PLSCR5: variants seen among roughly 807,000 people sequenced by gnomAD.
PLSCR5 encodes phospholipid scramblase family, member 5.
Under a neutral mutation model 33.6 loss-of-function variants are expected in PLSCR5, and 44 were observed. The ratio of observed to expected loss-of-function variants is 1.31; its 90% CI spans 1.03 to 1.69. The LOEUF is 1.69. Ranked by LOEUF, PLSCR5 falls within the 40% of genes most tolerant of loss-of-function variation. PLSCR5 has a pLI of 0.00. For missense variants in PLSCR5, 375 were observed against 318.7 expected (o/e 1.18, Z -1.34); for synonymous variants, 148 against 112.3 (o/e 1.32, Z -2.01).
At chr3:146,585,003 C>G (rs2044657087), downstream of PLSCR5, among the ~76,000 whole-genome samples, 1 of 152,030 alleles carries the variant, frequency 6.6e-6, no homozygotes, top group South Asian at 2.1e-4. Context: ...TGGTACCTTG[C>G]TTAAAAGAAA....
At chr3:146,588,467 T>C (rs1360996653) in intron 6 of PLSCR5, among the ~76,000 whole-genome samples, 1 of 151,938 alleles carries the variant, frequency 6.6e-6, no homozygotes, top group Non-Finnish European at 1.5e-5. Flanking sequence ...TGAGACTCTA[T>C]CTCAAAAAAT....
chr3:146,599,006 G>A (rs1284615282), intron 2 of PLSCR5, among the ~76,000 whole-genome samples: 1 of 152,200 alleles, frequency 6.6e-6, no homozygotes, highest in Non-Finnish European at 1.5e-5. Flanking sequence ...TTTGATAAAG[G>A]AGATAGACTT....
chr3:146,593,613 G>A (rs73867423), intron 4 of PLSCR5, among the ~76,000 whole-genome samples: 3,630 of 152,138 alleles, frequency 0.024, 154 homozygotes, highest in African/African-American at 0.082. Flanking sequence ...TATGCCCAAT[G>A]GTGGAACCTG....
downstream of PLSCR5, among the ~76,000 whole-genome samples, chr3:146,582,163 G>T (rs1167438868): frequency 6.6e-6 from 1 of 152,208 alleles, no homozygotes; most frequent in East Asian, 1.9e-4. Flanking sequence ...AAACTAGACA[G>T]GTAGTCAGTT....
At chr3:146,600,138 A>T in intron 2 of PLSCR5, 150 bp downstream of exon 2, 1 of 510,632 alleles carries the variant, frequency 2.0e-6, no homozygotes, top group Non-Finnish European at 2.9e-6. Context: ...AAATAAAGTT[A>T]ATATTTTATA....
At position 146,589,782 on chromosome 3, in the gene PLSCR5, C is replaced by T; in HGVS notation, c.648G>A (p.Gly216=). The change falls in exon 6 of 8, where the codon GGG becomes GGA. Residue 216 remains glycine (G), a synonymous_variant. Transcript: ENST00000443512. ...ATCCTGACCAGTACTTTGAAATCTT[C>T]CCAATTGTAAGCTTTTCATTAATGG... The part of the protein sequence containing the change: ...VKTINEKLTI[G]KISKYWSGFV... 2 of 1,566,344 alleles carry T rather than the reference C, an allele frequency of 1.3e-6. No individual in the cohort carries two copies. The highest frequency in any genetic ancestry group is 8.7e-7 in the Non-Finnish European group (1 of 1,146,184).
chr3:146,602,566 T>C (rs2044827066), intron 1 of PLSCR5, among the ~76,000 whole-genome samples: 1 of 152,026 alleles, frequency 6.6e-6, no homozygotes, highest in African/African-American at 2.4e-5. Flanking sequence ...ATTTTAAAAA[T>C]CATGGAGCCT....
intron 2 of PLSCR5, among the ~76,000 whole-genome samples, chr3:146,599,308 T>A (rs16858582): frequency 0.014 from 2,200 of 152,248 alleles, 58 homozygotes; most frequent in African/African-American, 0.051. Context: ...TGCAGTGGTA[T>A]CAGCAGACAA....
downstream of PLSCR5, among the ~76,000 whole-genome samples, chr3:146,580,913 A>G (rs2044629330): frequency 6.6e-6 from 1 of 152,156 alleles, no homozygotes; most frequent in Non-Finnish European, 1.5e-5. Flanking sequence ...AGGGTGTAAA[A>G]TTCTCATCCT....
chr3:146,591,971 C>T (rs2044720046), intron 4 of PLSCR5, 90 bp from the exon 5 acceptor site: 5 of 1,093,504 alleles, frequency 4.6e-6, no homozygotes, highest in East Asian at 2.7e-5. Flanking sequence ...AAACAATATA[C>T]TGTTATAAAA....
downstream of PLSCR5, among the ~76,000 whole-genome samples, chr3:146,583,802 T>C (rs2044648974): frequency 6.6e-6 from 1 of 152,154 alleles, no homozygotes. Context: ...TTAGGGTTCA[T>C]TTAATATTAA....
At position 146,589,832 on chromosome 3, in the gene PLSCR5, G is replaced by A. The variant is rs1308257527; in HGVS notation, c.616-18C>T. On this transcript the variant is annotated intron_variant, in intron 5 of 7. Coordinates refer to ENST00000443512, the MANE Select transcript of PLSCR5 (RefSeq NM_001085420.2). The stretch of plus-strand genomic sequence containing the variant: ...GTTTTCACCTTTAGAAAGAAAATAA[G>A]GAGTATTAAATTTGACAGTGAAAAA... 2 of 1,474,154 alleles carry A rather than the reference G, an allele frequency of 1.4e-6. No homozygotes were observed. Among genetic ancestry groups the A allele is most frequent in the African/African-American group, 1.4e-5 (1 of 70,986 alleles). The allele number at this position is 1,474,154 out of a possible 1,614,324, so 91.3% of individuals were successfully genotyped here.
chr3:146,599,679 C>CTTTT (rs34180865), intron 2 of PLSCR5, among the ~76,000 whole-genome samples: 2 of 139,200 alleles, frequency 1.4e-5, no homozygotes, highest in African/African-American at 2.7e-5. Flanking sequence ...CTTTTCTTTT[C>CTTTT]TTTTTTTTTT....
downstream of PLSCR5, among the ~76,000 whole-genome samples, chr3:146,582,592 C>G (rs568695365): frequency 6.6e-6 from 1 of 152,102 alleles, no homozygotes; most frequent in Admixed American, 6.5e-5. Flanking sequence ...CTAACCTCAC[C>G]CTTGGCATGT....
chr3:146,583,587 A>G (rs374623723), downstream of PLSCR5, among the ~76,000 whole-genome samples: 100 of 152,342 alleles, frequency 6.6e-4, 3 homozygotes, highest in South Asian at 0.014. Context: ...TGAAAGAGAT[A>G]AGAAGATCAA....
intron 1 of PLSCR5, among the ~76,000 whole-genome samples, chr3:146,604,489 T>G (rs903217349): frequency 1.2e-4 from 19 of 152,250 alleles, no homozygotes; most frequent in African/African-American, 4.6e-4. Flanking sequence ...ATAAGGAAAT[T>G]TCAAGATATT....
downstream of PLSCR5, among the ~76,000 whole-genome samples, chr3:146,585,445 T>C (rs2044659537): frequency 6.6e-6 from 1 of 152,140 alleles, no homozygotes; most frequent in South Asian, 2.1e-4. Context: ...ACTGTGCCTC[T>C]TACCACTAGA....
At chr3:146,588,648 T>A (rs1275668741) in intron 6 of PLSCR5, among the ~76,000 whole-genome samples, 1 of 152,074 alleles carries the variant, frequency 6.6e-6, no homozygotes, top group African/African-American at 2.4e-5. Flanking sequence ...TACTTCATGA[T>A]CTTGGATTTT....
intron 7 of PLSCR5, among the ~76,000 whole-genome samples, chr3:146,579,841 G>A (rs781181385): frequency 1.2e-4 from 18 of 152,286 alleles, no homozygotes; most frequent in Admixed American, 2.6e-4. Context: ...GGACAATGTG[G>A]CCTAGCCTAA....
Sources: gnomAD v4.1 joint callset for allele counts (sites outside exome capture counted in the v4.1 genomes callset) on GRCh38, gnomAD v4.1.1 for gene constraint, MANE v1.5 for transcripts, NCBI Gene and HGNC (gene_info 2026-07-23, HGNC 2026-07-21) for gene names.